The following STK3 variants were observed in gnomAD, a reference collection of about 807,000 sequenced individuals.
STK3 encodes serine/threonine-protein kinase 3.
A neutral mutation model predicts 58.0 loss-of-function variants in STK3; 41 were observed. That is an observed-to-expected ratio of 0.71 (90% CI 0.55 to 0.92). STK3 has a LOEUF of 0.92. Among genes scored for constraint, STK3 ranks in the 40% least tolerant of loss-of-function variants. STK3 has a pLI of 0.00. For synonymous variants in STK3, 170 were observed against 191.0 expected (o/e 0.89, Z 0.91); for missense variants, 479 against 602.7 (o/e 0.79, Z 2.15).
At chr8:98,464,946 A>G (rs1364177373) in intron 10 of STK3, among the ~76,000 whole-genome samples, 2 of 152,212 alleles carry the variant, frequency 1.3e-5, no homozygotes, top group Non-Finnish European at 2.9e-5. Context: ...TGGGATTACA[A>G]TTGGAAACTA....
At chr8:98,612,285 A>G (rs1817263031) in intron 6 of STK3, among the ~76,000 whole-genome samples, 1 of 150,640 alleles carries the variant, frequency 6.6e-6, no homozygotes, top group Non-Finnish European at 1.5e-5. Context: ...GACTGGGCAC[A>G]GTGGCTCATG....
chr8:98,681,936 C>G (rs1437920366), intron 6 of STK3, among the ~76,000 whole-genome samples: 1 of 152,236 alleles, frequency 6.6e-6, no homozygotes, highest in Non-Finnish European at 1.5e-5. Flanking sequence ...AGTGTATTAC[C>G]TTTGTGGCAG....
rs143451440 is a variant in STK3, at chr8:98,402,936, C to T, written n.484-1423G>A. 4.4e-4 allele frequency among the ~76,000 whole-genome samples: 67 copies of T among 152,326 alleles called. 1 individual carries two copies. The East Asian group carries it at 0.012, about 27-fold the overall frequency. On this transcript the variant is annotated intron_variant and non_coding_transcript_variant, in intron 3 of 3. Coordinates refer to the STK3 transcript ENST00000517832. The stretch of plus-strand genomic sequence containing the variant: ...GAGAGGAGACCCCACAATGGGGACA[C>T]CGCAGCCCCAGAAGAGGAGGAGCAG...
At chr8:98,587,629 C>G (rs1010447902) in intron 7 of STK3, among the ~76,000 whole-genome samples, 4 of 152,040 alleles carry the variant, frequency 2.6e-5, no homozygotes, top group African/African-American at 7.3e-5. Flanking sequence ...TGGTGCAGAG[C>G]TGAGTTCAAT....
At chr8:98,652,204 A>C (rs1165643039) in intron 6 of STK3, among the ~76,000 whole-genome samples, 1 of 152,244 alleles carries the variant, frequency 6.6e-6, no homozygotes, top group Non-Finnish European at 1.5e-5. Context: ...AGAATTTTCA[A>C]ACCAGAATTT....
chr8:98,479,566 G>C (rs4577923), intron 10 of STK3, among the ~76,000 whole-genome samples: 1 of 144,510 alleles, frequency 6.9e-6, no homozygotes, highest in African/African-American at 2.7e-5. Context: ...GTTCTTAACA[G>C]ACTAACTCTT....
At position 98,722,021 on chromosome 8, in the gene STK3, A is replaced by C. The variant is rs565531591; in HGVS notation, c.352-14710T>G. On this transcript the variant is annotated intron_variant, in intron 4 of 10. Coordinates refer to ENST00000419617, the MANE Select transcript of STK3 (RefSeq NM_006281.4). ...ATAAATGATCATAAAAAGCTCTTTCAAAGTGAAACATAACCAAAAAGGAGT... is the reference window on the plus strand; with the variant it reads ...ATAAATGATCATAAAAAGCTCTTTCCAAGTGAAACATAACCAAAAAGGAGT... Among the ~76,000 whole-genome samples the C allele has an allele frequency of 1.2e-4, 18 of 152,286 alleles. No individual in the cohort carries two copies. In the South Asian group the frequency reaches 3.5e-3, roughly 30 times the overall value.
intron 3 of STK3, chr8:98,432,903 G>T: frequency 6.1e-6 from 1 of 163,432 alleles, no homozygotes. Context: ...TCGGGAATGG[G>T]CAGTAATACT....
chr8:98,537,714 C>T (rs1046927571), intron 9 of STK3, among the ~76,000 whole-genome samples: 5 of 152,098 alleles, frequency 3.3e-5, no homozygotes, highest in African/African-American at 1.2e-4. Context: ...TCAGAATTAC[C>T]TAGTTCCTCA....
intron 1 of STK3, among the ~76,000 whole-genome samples, chr8:98,808,658 T>A (rs1455212297): frequency 6.6e-6 from 1 of 152,194 alleles, no homozygotes; most frequent in South Asian, 2.1e-4. Context: ...TTTCCCAAAC[T>A]TTTTCATCAT....
chr8:98,814,047 A>C (rs965953089), intron 1 of STK3, among the ~76,000 whole-genome samples: 1 of 152,070 alleles, frequency 6.6e-6, no homozygotes, highest in Non-Finnish European at 1.5e-5. Flanking sequence ...CTGAATCTTT[A>C]ATTGATTTTT....
intron 4 of STK3, among the ~76,000 whole-genome samples, chr8:98,716,939 A>C (rs1277199571): frequency 2.0e-5 from 3 of 152,208 alleles, no homozygotes; most frequent in Non-Finnish European, 4.4e-5. Flanking sequence ...TATTTTCAAG[A>C]AACAGTGCTG....
intron 4 of STK3, among the ~76,000 whole-genome samples, chr8:98,709,436 C>T (rs1826222263): frequency 6.6e-6 from 1 of 152,068 alleles, no homozygotes; most frequent in Non-Finnish European, 1.5e-5. Context: ...GAAAAGAGAA[C>T]ACTTCCACAC....
At chr8:98,750,357 A>G (rs180840458) in intron 3 of STK3, among the ~76,000 whole-genome samples, 5 of 152,266 alleles carry the variant, frequency 3.3e-5, no homozygotes, top group East Asian at 3.9e-4. Context: ...TAAGAGGACA[A>G]CTTGTTCAAA....
chr8:98,777,062 T>G (rs1251081797), intron 1 of STK3, among the ~76,000 whole-genome samples: 1 of 150,118 alleles, frequency 6.7e-6, no homozygotes, highest in African/African-American at 2.4e-5. Context: ...AAAAAAAAAA[T>G]TAATTAAAAA....
chr8:98,871,024 G>GT (rs1256744869), intron 3 of STK3, among the ~76,000 whole-genome samples: 1 of 152,162 alleles, frequency 6.6e-6, no homozygotes, highest in Non-Finnish European at 1.5e-5. Flanking sequence ...TTTGTATAAG[G>GT]TTTAAGGAAG....
At position 98,471,806 on chromosome 8, in the gene STK3, T is replaced by C. The variant is rs115982471; in HGVS notation, c.1318-15806A>G. Among the ~76,000 whole-genome samples the C allele has an allele frequency of 7.9e-3, 1,210 of 152,296 alleles. 10 individuals are homozygous for C. The highest frequency in any genetic ancestry group is 0.02 in the African/African-American group (850 of 41,570). ...CAACTACCTACTAGGTGTAAATCTG[T>C]CAACCAAAAAAGTAAATTATGGTGG... On this transcript the variant is annotated intron_variant, in intron 10 of 10. Coordinates refer to ENST00000419617, the MANE Select transcript of STK3 (RefSeq NM_006281.4).
chr8:98,478,451 T>C (rs937778001), intron 10 of STK3, among the ~76,000 whole-genome samples: 5 of 152,124 alleles, frequency 3.3e-5, no homozygotes, highest in African/African-American at 1.2e-4. Flanking sequence ...TGCGAGAGGG[T>C]TGCTGTGAAG....
chr8:98,692,175 G>C (rs966101844), intron 6 of STK3, among the ~76,000 whole-genome samples: 1 of 152,122 alleles, frequency 6.6e-6, no homozygotes, highest in Non-Finnish European at 1.5e-5. Context: ...GTACATTGGT[G>C]GTAGGAATGT....
Sources: gnomAD v4.1 joint callset for allele counts (sites outside exome capture counted in the v4.1 genomes callset) on GRCh38, gnomAD v4.1.1 for gene constraint, MANE v1.5 for transcripts, NCBI Gene and HGNC (gene_info 2026-07-23, HGNC 2026-07-21) for gene names.